The following SLC3A1 variants were observed in gnomAD, a reference collection of about 807,000 sequenced individuals.
SLC3A1 encodes the protein solute carrier family 3 member 1.
In SLC3A1, 78 loss-of-function variants were observed where a neutral mutation model predicts 60.3. The observed-to-expected ratio is 1.29, with a 90% confidence interval of 1.08 to 1.56. SLC3A1 has a LOEUF of 1.56. SLC3A1 is among the 40% of genes most tolerant of loss of function. The pLI, the probability that SLC3A1 is intolerant of heterozygous loss-of-function variation, is 0.00. For missense variants in SLC3A1, 1,172 were observed against 858.9 expected (o/e 1.36, Z -4.56); for synonymous variants, 392 against 307.9 (o/e 1.27, Z -2.86).
chr2:44,319,019 T>C (rs113601979), intron 9 of SLC3A1: 2 of 152,232 alleles, frequency 1.3e-5, no homozygotes, highest in African/African-American at 4.8e-5. Flanking sequence ...GCACTTCTTA[T>C]GTGAGTGGCA....
At chr2:44,316,795 G>C (rs1207382455) in intron 9 of SLC3A1, among the ~76,000 whole-genome samples, 1 of 152,150 alleles carries the variant, frequency 6.6e-6, no homozygotes, top group African/African-American at 2.4e-5. Flanking sequence ...TCCATTCAAA[G>C]AGCAAAACAG....
At chr2:44,318,766 G>A (rs928925484) in intron 9 of SLC3A1, 1 of 152,130 alleles carries the variant, frequency 6.6e-6, no homozygotes, top group African/African-American at 2.4e-5. Flanking sequence ...ACAAAAATCA[G>A]GCTTGGAAGT....
chr2:44,314,513 A>C (rs1256005435), intron 9 of SLC3A1: 2 of 164,330 alleles, frequency 1.2e-5, no homozygotes, highest in African/African-American at 2.4e-5. Context: ...CTTCACTGGA[A>C]AACAAACTAA....
intron 4 of SLC3A1, among the ~76,000 whole-genome samples, chr2:44,291,208 G>T (rs1302539659): frequency 6.6e-6 from 1 of 152,098 alleles, no homozygotes; most frequent in Non-Finnish European, 1.5e-5. Flanking sequence ...TGTCAAGGAG[G>T]TTTTCAGTTA....
At chr2:44,286,197 G>GAA in intron 4 of SLC3A1, 40 bp downstream of exon 4, 1 of 1,597,912 alleles carries the variant, frequency 6.3e-7, no homozygotes, top group Non-Finnish European at 8.6e-7. Context: ...CATTAATGGA[G>GAA]GTTTAGGTAT....
rs186392474 is a variant in SLC3A1 at position 44,315,466 on chromosome 2, T to G, written c.1617+1515T>G. Among the ~76,000 whole-genome samples, 777 of 146,024 alleles carry G rather than the reference T, an allele frequency of 5.3e-3. 20 individuals are homozygous for G. The highest frequency in any genetic ancestry group is 4.3e-3 in the Non-Finnish European group (286 of 66,910). The stretch of plus-strand genomic sequence containing the variant: ...GAGTTTGAGACCAGCCTAGGCAATA[T>G]AGTGAGACCTTGTTTCTACCTTCCC... On this transcript the variant is annotated intron_variant, in intron 9 of 9. Transcript: ENST00000260649.
At chr2:44,297,656 A>G (rs369488352) in intron 4 of SLC3A1, among the ~76,000 whole-genome samples, 25 of 152,274 alleles carry the variant, frequency 1.6e-4, no homozygotes, top group African/African-American at 6.0e-4. Flanking sequence ...GTACTTCTGT[A>G]ATGTTTGGTC....
At chr2:44,314,503 C>T (rs1672378083) in intron 9 of SLC3A1, 1 of 164,080 alleles carries the variant, frequency 6.1e-6, no homozygotes, top group South Asian at 1.6e-4. Context: ...CTAGTGAAAA[C>T]TTCACTGGAA....
chr2:44,310,824 G>A (rs888730516), intron 7 of SLC3A1, among the ~76,000 whole-genome samples: 2 of 151,548 alleles, frequency 1.3e-5, no homozygotes, highest in African/African-American at 4.9e-5. Flanking sequence ...TTTGAGACAG[G>A]GTTTTGCTCT....
chr2:44,321,359 G>C lies in SLC3A1; in HGVS notation c.*720G>C. ...ATTCCCAGTTGAATGCAGTGTTTCA[G>C]AATTTCAGGTATTTCTTAAGATCCT... On this transcript the variant is annotated 3_prime_UTR_variant, in exon 10 of 10. Coordinates refer to ENST00000260649, the MANE Select transcript of SLC3A1 (RefSeq NM_000341.4). 6.2e-7 allele frequency: 1 copy of C among 1,602,250 alleles called. No individual in the cohort carries two copies. Among genetic ancestry groups the C allele is most frequent in the Middle Eastern group, 1.7e-4 (1 of 6,024 alleles).
intron 8 of SLC3A1, 149 bp downstream of exon 8, chr2:44,312,902 ATTCTC>A: frequency 1.5e-6 from 1 of 673,790 alleles, no homozygotes; most frequent in Non-Finnish European, 2.5e-6. Flanking sequence ...GTTAGTAAGA[ATTCTC>A]AGCTTTCTTG....
rs889354412 is a variant in SLC3A1 at position 44,307,957 on chromosome 2, A to C, written c.1332+3619A>C. Among the ~76,000 whole-genome samples, 3 of 152,174 alleles carry C rather than the reference A, an allele frequency of 2.0e-5. No homozygotes were observed. The East Asian group carries it at 5.8e-4, about 29-fold the overall frequency. On this transcript the variant is annotated intron_variant, in intron 7 of 9. Transcript: ENST00000260649. ...AGACTATTCTTTGCTTCATTGGATT[A>C]TCATGGAATCTTTGTTGAAAAATCA...
intron 4 of SLC3A1, among the ~76,000 whole-genome samples, chr2:44,295,678 C>G (rs1572800449): frequency 6.6e-6 from 1 of 152,196 alleles, no homozygotes; most frequent in Non-Finnish European, 1.5e-5. Flanking sequence ...GTACAAGTTT[C>G]TCATGTTTAA....
chr2:44,275,519 A>G lies in SLC3A1; in HGVS notation c.-17A>G, dbSNP rs1003839021. 3 of 1,611,762 alleles carry G rather than the reference A, an allele frequency of 1.9e-6. No homozygotes were observed. In the African/African-American group the frequency reaches 4.0e-5, roughly 22 times the overall value. On this transcript the variant is annotated 5_prime_UTR_variant, in exon 1 of 10. Coordinates refer to ENST00000260649, the MANE Select transcript of SLC3A1 (RefSeq NM_000341.4). ...CTTACTGCAGGAAGGCACTCCGAAG[A>G]CATAAGTCGGTGAGACATGGCTGAA...
chr2:44,307,629 T>C (rs751815924), intron 7 of SLC3A1, among the ~76,000 whole-genome samples: 19 of 152,080 alleles, frequency 1.2e-4, no homozygotes, highest in Non-Finnish European at 2.2e-4. Flanking sequence ...CATGTGCTTA[T>C]TGGACATCTG....
chr2:44,289,153 A>T (rs919304091), intron 4 of SLC3A1, among the ~76,000 whole-genome samples: 2 of 151,274 alleles, frequency 1.3e-5, no homozygotes, highest in Admixed American at 1.3e-4. Context: ...ATTGTTAAAC[A>T]GGGTTGTCTT....
intron 7 of SLC3A1, among the ~76,000 whole-genome samples, chr2:44,311,778 C>A (rs1456096169): frequency 6.6e-6 from 1 of 150,770 alleles, no homozygotes; most frequent in African/African-American, 2.4e-5. Flanking sequence ...TAAGTCTTGT[C>A]CTAAGACTCA....
Position 44,280,754 on chromosome 2 carries a change from A to G in SLC3A1, c.469A>G (p.Ile157Val), listed in dbSNP as rs1386696169. The G allele has an allele frequency of 6.2e-7, 1 of 1,611,126 alleles. No individual in the cohort carries two copies. Among genetic ancestry groups the G allele is most frequent in the South Asian group, 1.1e-5 (1 of 91,018 alleles). ...ACTGGACTACATCACAGCTTTAAAT[A>G]TAAAAACTGTTTGGATTACTTCATT... ...DKLDYITALNIKTVWITSFYK... is the reference protein window; with the variant it reads ...DKLDYITALNVKTVWITSFYK... Residue 157 changes from isoleucine (I) to valine (V), a missense_variant, in exon 2 of 10, where the codon ATA (isoleucine) becomes GTA (valine). Ile to Val is a conservative substitution (Grantham distance 29). Transcript: ENST00000260649.
intron 7 of SLC3A1, among the ~76,000 whole-genome samples, chr2:44,312,151 ATTTAC>A (rs939712418): frequency 3.9e-5 from 6 of 152,184 alleles, no homozygotes; most frequent in African/African-American, 1.4e-4. Flanking sequence ...CTAAAAGTTG[ATTTAC>A]TTTAAAAATT....
Sources: allele counts gnomAD v4.1 joint callset (sites outside exome capture counted in the v4.1 genomes callset), GRCh38; gene constraint gnomAD v4.1.1; transcripts MANE v1.5; gene names NCBI Gene and HGNC (gene_info 2026-07-23, HGNC 2026-07-21).